Variants in CCDC146 observed in about 807,000 individuals in gnomAD.
CCDC146 encodes coiled-coil domain-containing protein 146.
CCDC146 carries 92 observed loss-of-function variants against 119.3 expected under a neutral mutation model. That is an observed-to-expected ratio of 0.77 (90% CI 0.65 to 0.92). The LOEUF is 0.92. CCDC146 is among the 40% of genes least tolerant of loss of function. The pLI is 0.00. For synonymous variants in CCDC146, 372 were observed against 371.8 expected (o/e 1.00, Z -0.01); for missense variants, 1,000 against 1,103.0 (o/e 0.91, Z 1.32).
chr7:77,176,417 A>G (rs1345197251), intron 2 of CCDC146, among the ~76,000 whole-genome samples: 2 of 151,058 alleles, frequency 1.3e-5, no homozygotes, highest in African/African-American at 2.5e-5. Context: ...TTAGTGTCTG[A>G]GTGGATGGAG....
At chr7:77,268,732 A>T (rs1255500689) in intron 9 of CCDC146, among the ~76,000 whole-genome samples, 1 of 152,182 alleles carries the variant, frequency 6.6e-6, no homozygotes, top group African/African-American at 2.4e-5. Context: ...TTTTACCCTC[A>T]CACTAGCCAT....
chr7:77,294,842 T>C lies in CCDC146; in HGVS notation c.2844T>C (p.Pro948=), dbSNP rs755525383. The part of the protein sequence containing the change: ...PGANMRHIRK[P]VIKPVEI ...CCAATATGAGGCACATAAGGAAACC[T>C]GTTATAAAGCCAGTTGAAATCTGAA... Residue 948 remains proline (P), a synonymous_variant, in exon 19 of 19, where the codon CCT becomes CCC. Coordinates refer to ENST00000285871, the MANE Select transcript of CCDC146 (RefSeq NM_020879.3). 2 of 1,613,954 alleles carry C rather than the reference T, an allele frequency of 1.2e-6. No individual in the cohort carries two copies. Among genetic ancestry groups the C allele is most frequent in the Admixed American group, 3.3e-5 (2 of 60,010 alleles).
At chr7:77,212,949 A>ATTTT (rs1562834935) in intron 2 of CCDC146, among the ~76,000 whole-genome samples, 1 of 122,846 alleles carries the variant, frequency 8.1e-6, no homozygotes, top group African/African-American at 3.4e-5. Context: ...AGGTCACATT[A>ATTTT]ATTTTTTTTT....
intron 2 of CCDC146, among the ~76,000 whole-genome samples, chr7:77,231,926 G>A (rs1792638335): frequency 6.7e-6 from 1 of 150,224 alleles, no homozygotes; most frequent in Non-Finnish European, 1.5e-5. Context: ...ATTGTAAATT[G>A]GACATTTTAG....
Position 77,262,325 on chromosome 7 carries a change from C to A in CCDC146, c.1173+18C>A. On this transcript the variant is annotated intron_variant, in intron 9 of 18. Coordinates refer to ENST00000285871, the MANE Select transcript of CCDC146 (RefSeq NM_020879.3). The stretch of plus-strand genomic sequence containing the variant: ...TATTAGAGGTGAGGGCTGTAAACTA[C>A]CATCTGATTTTTAAGCTCGGTGCTA... The A allele has an allele frequency of 6.7e-7, 1 of 1,495,584 alleles. No homozygotes were observed. Among genetic ancestry groups the A allele is most frequent in the East Asian group, 2.5e-5 (1 of 40,604 alleles). 92.6% of individuals were successfully genotyped at this position (1,495,584 alleles called of 1,614,324 possible).
rs1792855854 is a variant in CCDC146, at chr7:77,241,863, A to G, written c.412A>G (p.Lys138Glu). ...GTATCAAAATGAATATAATGCAGTG[A>G]AGGAAAGAGAGTTCCATAATCAGTA... ...LKYQNEYNAVKEREFHNQYRL... is the reference protein window; with the variant it reads ...LKYQNEYNAVEEREFHNQYRL... Residue 138 changes from lysine to glutamate, a missense_variant, in exon 4 of 19, where the codon AAG becomes GAG. By Grantham distance (56) the Lys-to-Glu change is moderately conservative. Coordinates refer to ENST00000285871, the MANE Select transcript of CCDC146 (RefSeq NM_020879.3). 6.2e-7 allele frequency: 1 copy of G among 1,613,992 alleles called. No homozygotes were observed. The highest frequency in any genetic ancestry group is 2.2e-5 in the East Asian group (1 of 44,876).
intron 1 of CCDC146, among the ~76,000 whole-genome samples, chr7:77,138,175 G>C (rs1382182259): frequency 6.6e-6 from 1 of 151,724 alleles, no homozygotes; most frequent in Non-Finnish European, 1.5e-5. Flanking sequence ...CAGAATAAAG[G>C]GTCCAGAAAT....
rs996839387 is a variant in CCDC146, at chr7:77,178,563, T to G, written c.156+10739T>G. Among the ~76,000 whole-genome samples, 8 of 152,160 alleles carry G rather than the reference T, an allele frequency of 5.3e-5. 1 individual carries two copies. Among genetic ancestry groups the G allele is most frequent in the Admixed American group, 5.2e-4 (8 of 15,272 alleles). On this transcript the variant is annotated intron_variant, in intron 2 of 18. Transcript: ENST00000285871. Reference sequence around the variant, plus strand: ...CTTTTCTAGTTCTTTACTGACATAATGAGATCCTAGTTTGTATGTGTATGT... The same window carrying G: ...CTTTTCTAGTTCTTTACTGACATAAGGAGATCCTAGTTTGTATGTGTATGT...
intron 5 of CCDC146, among the ~76,000 whole-genome samples, chr7:77,254,898 A>G (rs1483320938): frequency 6.6e-6 from 1 of 152,258 alleles, no homozygotes; most frequent in Non-Finnish European, 1.5e-5. Flanking sequence ...GAACATCTCA[A>G]GTTATTACAA....
chr7:77,247,163 C>G (rs573675568), intron 4 of CCDC146, among the ~76,000 whole-genome samples: 1 of 152,176 alleles, frequency 6.6e-6, no homozygotes, highest in African/African-American at 2.4e-5. Flanking sequence ...TAGAAAAATA[C>G]ATTCCTTTTA....
chr7:77,158,582 C>T (rs917542985), intron 1 of CCDC146, among the ~76,000 whole-genome samples: 2 of 152,028 alleles, frequency 1.3e-5, no homozygotes, highest in East Asian at 3.9e-4. Flanking sequence ...TGCAGTGGCG[C>T]TATCTCGGCT....
rs189385058 is a variant in CCDC146, at chr7:77,230,916, A to G, written c.157-6031A>G. 2.2e-3 allele frequency among the ~76,000 whole-genome samples: 328 copies of G among 152,250 alleles called. 1 individual carries two copies. The highest frequency in any genetic ancestry group is 7.3e-3 in the African/African-American group (304 of 41,540). ...TTTTTCTCTCTGTTATTCAAATTAT[A>G]TACAGTAGTCCCCCCCACCATCTGC... On this transcript the variant is annotated intron_variant, in intron 2 of 18. Coordinates refer to ENST00000285871, the MANE Select transcript of CCDC146 (RefSeq NM_020879.3).
chr7:77,282,825 T>C, intron 15 of CCDC146, 40 bp downstream of exon 15: 1 of 1,422,018 alleles, frequency 7.0e-7, no homozygotes, highest in Non-Finnish European at 9.9e-7. Flanking sequence ...AGACCATTTA[T>C]TTTTTTCTGC....
chr7:77,137,833 C>T (rs1790880237), intron 1 of CCDC146, among the ~76,000 whole-genome samples: 1 of 151,674 alleles, frequency 6.6e-6, no homozygotes, highest in Non-Finnish European at 1.5e-5. Context: ...CTGACACTAC[C>T]CGACTTCAAT....
rs140412083 is a variant in CCDC146 at position 77,269,887 on chromosome 7, C to T, written c.1174-3807C>T. Among the ~76,000 whole-genome samples the T allele has an allele frequency of 9.1e-4, 138 of 152,304 alleles. 2 individuals carry two copies. The East Asian group carries it at 0.021, about 23-fold the overall frequency. ...GCCCACAGCTGGCAGTACTTGAAAA[C>T]AGGAGTGGGTCAGGCCAGGCACTCC... On this transcript the variant is annotated intron_variant, in intron 9 of 18. Coordinates refer to ENST00000285871, the MANE Select transcript of CCDC146 (RefSeq NM_020879.3).
intron 2 of CCDC146, 119 bp from the exon 3 acceptor site, chr7:77,236,828 C>T: frequency 1.4e-6 from 1 of 725,172 alleles, no homozygotes; most frequent in Non-Finnish European, 2.4e-6. Flanking sequence ...ACTACATTGC[C>T]TCGTGTATCC....
At position 77,273,697 on chromosome 7, in the gene CCDC146, G is replaced by A. The variant is rs1405103406; in HGVS notation, c.1177G>A (p.Glu393Lys). The A allele has an allele frequency of 1.2e-6, 2 of 1,604,066 alleles. No individual in the cohort carries two copies. Among genetic ancestry groups the A allele is most frequent in the East Asian group, 4.5e-5 (2 of 44,598 alleles). The change falls in exon 10 of 19, where the codon GAA becomes AAA. Residue 393 changes from glutamate (E) to lysine (K), a missense_variant. Coordinates refer to ENST00000285871, the MANE Select transcript of CCDC146 (RefSeq NM_020879.3). ...GTTTTTAAATTTTGATTTCCAGATG[G>A]AAGCTATCCCCAAAGATGATTCTAC... ...ALHQRLLLEM[E>K]AIPKDDSTLS...
At chr7:77,272,997 C>G (rs1023911822) in intron 9 of CCDC146, among the ~76,000 whole-genome samples, 1 of 152,158 alleles carries the variant, frequency 6.6e-6, no homozygotes, top group Non-Finnish European at 1.5e-5. Context: ...TTATCCTATA[C>G]AATTTCATAA....
Position 77,259,786 on chromosome 7 carries a change from T to C in CCDC146, c.759-223T>C, listed in dbSNP as rs371889149. Among the ~76,000 whole-genome samples the C allele has an allele frequency of 9.2e-5, 14 of 152,280 alleles. No individual in the cohort carries two copies. In the East Asian group the frequency reaches 2.5e-3, roughly 27 times the overall value. The stretch of plus-strand genomic sequence containing the variant: ...AAAGTAGGGAGGCTGGGCAAATTCC[T>C]GCCTTCCGTGGCACTCAGTGGAGAT... On this transcript the variant is annotated intron_variant, in intron 7 of 18. Coordinates refer to ENST00000285871, the MANE Select transcript of CCDC146 (RefSeq NM_020879.3).
Sources: gnomAD v4.1 joint callset for allele counts (sites outside exome capture counted in the v4.1 genomes callset) on GRCh38, gnomAD v4.1.1 for gene constraint, MANE v1.5 for transcripts, NCBI Gene and HGNC (gene_info 2026-07-23, HGNC 2026-07-21) for gene names.